Variants in TTC27 observed in about 807,000 individuals in gnomAD.
TTC27 encodes the protein tetratricopeptide repeat protein 27.
In TTC27, 79 loss-of-function variants were observed where a neutral mutation model predicts 115.9. The observed-to-expected ratio is 0.68, with a 90% CI of 0.57 to 0.82. TTC27 has a LOEUF of 0.82. Ranked by LOEUF, TTC27 falls within the 40% of genes least tolerant of loss-of-function variation. The pLI is 0.00. For synonymous variants in TTC27, 401 were observed against 356.0 expected (o/e 1.13, Z -1.42); for missense variants, 1,054 against 993.1 (o/e 1.06, Z -0.82).
chr2:32,681,186 G>A (rs1666411587), intron 9 of TTC27, among the ~76,000 whole-genome samples: 1 of 152,180 alleles, frequency 6.6e-6, no homozygotes, highest in African/African-American at 2.4e-5. Context: ...AAAGAGATGA[G>A]TTAATCCCGA....
chr2:32,693,843 A>C (rs2151896258), intron 9 of TTC27, among the ~76,000 whole-genome samples: 1 of 152,276 alleles, frequency 6.6e-6, no homozygotes, highest in East Asian at 1.9e-4. Flanking sequence ...CATAGTTAGC[A>C]CTTCTTTTTA....
At chr2:32,776,034 C>T (rs1293867622) in intron 13 of TTC27, among the ~76,000 whole-genome samples, 3 of 152,012 alleles carry the variant, frequency 2.0e-5, no homozygotes, top group Non-Finnish European at 2.9e-5. Flanking sequence ...GTTGAAAGTT[C>T]CATGATTCAA....
At chr2:32,700,598 T>G (rs1667151906) in intron 9 of TTC27, among the ~76,000 whole-genome samples, 1 of 152,180 alleles carries the variant, frequency 6.6e-6, no homozygotes, top group Admixed American at 6.5e-5. Flanking sequence ...AGTGCAGTGG[T>G]GCAATCTCGG....
At chr2:32,741,250 A>T (rs1668624616) in intron 12 of TTC27, among the ~76,000 whole-genome samples, 1 of 152,182 alleles carries the variant, frequency 6.6e-6, no homozygotes, top group Admixed American at 6.5e-5. Context: ...TGGTGGTACC[A>T]TCCACCTGTG....
Position 32,817,523 on chromosome 2 carries a change from G to C in TTC27, c.2375G>C (p.Arg792Pro). 6.2e-7 allele frequency: 1 copy of C among 1,613,974 alleles called. No individual in the cohort carries two copies. Among genetic ancestry groups the C allele is most frequent in the Non-Finnish European group, 8.5e-7 (1 of 1,179,966 alleles). The change falls in exon 19 of 20, where the codon CGA (arginine) becomes CCA (proline). Residue 792 changes from arginine (R) to proline (P), a missense_variant. Arg to Pro is a moderately radical substitution (Grantham distance 103, BLOSUM62 -2). Transcript: ENST00000317907. ...QEAVQMLSSV[R>P]LNLRGLLSKA... ...GCTGTACAAATGCTTTCTTCTGTTC[G>C]ACTCAATTTACGGGGCTTGTTATCT...
intron 4 of TTC27, among the ~76,000 whole-genome samples, chr2:32,643,968 G>T (rs1664749983): frequency 6.6e-6 from 1 of 151,874 alleles, no homozygotes; most frequent in South Asian, 2.1e-4. Flanking sequence ...ATCACCTGAG[G>T]TCAGGAGTTT....
rs116739282 is a variant in TTC27, at chr2:32,736,298, T to C, written c.1330-396T>C. On this transcript the variant is annotated intron_variant, in intron 11 of 19. Coordinates refer to ENST00000317907, the MANE Select transcript of TTC27 (RefSeq NM_017735.5). ...AATAAAATTCAGCAGGGCTAATGCA[T>C]AGATTTTATGTCATCTCTATTGACT... 7.0e-3 allele frequency among the ~76,000 whole-genome samples: 1,071 copies of C among 152,280 alleles called. 11 individuals are homozygous for C. Among genetic ancestry groups the C allele is most frequent in the African/African-American group, 0.023 (973 of 41,552 alleles).
intron 2 of TTC27, 63 bp downstream of exon 2, chr2:32,630,763 A>G (rs1230508592): frequency 2.1e-6 from 3 of 1,459,326 alleles, no homozygotes; most frequent in Non-Finnish European, 2.8e-6. Context: ...GCACCTTGAC[A>G]GGGTAAGGCC....
At chr2:32,814,629 C>G (rs989369253) in intron 18 of TTC27, among the ~76,000 whole-genome samples, 2 of 152,210 alleles carry the variant, frequency 1.3e-5, no homozygotes, top group African/African-American at 2.4e-5. Flanking sequence ...ACATATATGA[C>G]AGTGGCCCCA....
intron 10 of TTC27, among the ~76,000 whole-genome samples, chr2:32,733,241 A>T (rs182889319): frequency 1.3e-5 from 2 of 152,348 alleles, no homozygotes; most frequent in East Asian, 3.9e-4. Flanking sequence ...GTACCATTGT[A>T]GAAATTTCAG....
chr2:32,642,626 T>A (rs561276220), intron 4 of TTC27, among the ~76,000 whole-genome samples: 19 of 152,146 alleles, frequency 1.2e-4, no homozygotes, highest in Admixed American at 9.2e-4. Flanking sequence ...AGCCAGAGGA[T>A]TTGGAAGCCA....
intron 16 of TTC27, among the ~76,000 whole-genome samples, chr2:32,794,179 C>G (rs1670627521): frequency 1.3e-5 from 2 of 152,132 alleles, no homozygotes; most frequent in South Asian, 2.1e-4. Flanking sequence ...GGGACATTAT[C>G]TAGGAGAGAC....
chr2:32,661,144 C>A (rs560681363), intron 5 of TTC27, among the ~76,000 whole-genome samples: 1 of 152,202 alleles, frequency 6.6e-6, no homozygotes, highest in Non-Finnish European at 1.5e-5. Context: ...GTTTTGATAC[C>A]AGTACAATGC....
At chr2:32,702,452 C>G (rs1387203932) in intron 9 of TTC27, among the ~76,000 whole-genome samples, 1 of 152,096 alleles carries the variant, frequency 6.6e-6, no homozygotes, top group Non-Finnish European at 1.5e-5. Context: ...TGGATGATTT[C>G]TACTATGTTC....
chr2:32,780,494 C>T (rs1296297608), intron 14 of TTC27, among the ~76,000 whole-genome samples: 1 of 152,134 alleles, frequency 6.6e-6, no homozygotes, highest in Non-Finnish European at 1.5e-5. Flanking sequence ...GGCTGAGGTG[C>T]AGTGGTGCAA....
chr2:32,735,957 T>A (rs1158456002), intron 11 of TTC27, among the ~76,000 whole-genome samples: 1 of 152,196 alleles, frequency 6.6e-6, no homozygotes, highest in Non-Finnish European at 1.5e-5. Context: ...CTCTTAAATA[T>A]GTGTTGAATT....
chr2:32,789,588 A>G (rs1324305368), intron 16 of TTC27, among the ~76,000 whole-genome samples: 1 of 152,118 alleles, frequency 6.6e-6, no homozygotes, highest in Admixed American at 6.5e-5. Flanking sequence ...TTGGATGCCA[A>G]ATCAAAATCA....
chr2:32,677,722 G>A (rs1304353852), intron 8 of TTC27, among the ~76,000 whole-genome samples: 1 of 152,122 alleles, frequency 6.6e-6, no homozygotes, highest in African/African-American at 2.4e-5. Context: ...CAAAGTGCTG[G>A]GATTACAGGC....
At chr2:32,767,741 G>C (rs3862981) in intron 13 of TTC27, among the ~76,000 whole-genome samples, 1 of 151,946 alleles carries the variant, frequency 6.6e-6, no homozygotes, top group Non-Finnish European at 1.5e-5. Context: ...GATTACAGGC[G>C]TGAGCCACCG....
Sources: gnomAD v4.1 joint callset for allele counts (sites outside exome capture counted in the v4.1 genomes callset) on GRCh38, gnomAD v4.1.1 for gene constraint, MANE v1.5 for transcripts, NCBI Gene and HGNC (gene_info 2026-07-23, HGNC 2026-07-21) for gene names.